The following GOPC variants were observed in gnomAD, a reference collection of about 807,000 sequenced individuals.
GOPC encodes Golgi-associated PDZ and coiled-coil motif-containing protein.
GOPC carries 32 observed loss-of-function variants against 51.2 expected under a neutral mutation model. The ratio of observed to expected loss-of-function variants is 0.63; its 90% CI spans 0.47 to 0.84. The LOEUF (loss-of-function observed/expected upper bound fraction) is 0.84. Among genes scored for constraint, GOPC ranks in the 40% least tolerant of loss-of-function variants. The pLI, the probability that GOPC is intolerant of heterozygous loss-of-function variation, is 0.00. For synonymous variants in GOPC, 190 were observed against 205.1 expected, an observed-to-expected ratio of 0.93 and a Z score of 0.63; for missense variants, 441 against 555.5, an observed-to-expected ratio of 0.79 and a Z score of 2.07.
Position 117,560,779 on chromosome 6 carries a change from T to C in GOPC, c.*2475A>G, listed in dbSNP as rs1779570035. ...CACACATACAACCCTCACATTTTAT[T>C]AAAACGTTTTCTCAACCATTCTGTT... On this transcript the variant is annotated 3_prime_UTR_variant, in exon 9 of 9. Transcript: ENST00000368498. 1 of 210,408 alleles carries C rather than the reference T, an allele frequency of 4.8e-6. No individual in the cohort carries two copies. The highest frequency in any genetic ancestry group is 2.3e-5 in the African/African-American group (1 of 44,092). 13.0% of individuals were successfully genotyped at this position (210,408 alleles called of 1,614,324 possible).
chr6:117,566,711 A>G (rs1779704248), intron 8 of GOPC, 143 bp downstream of exon 8: 1 of 548,686 alleles, frequency 1.8e-6, no homozygotes, highest in Non-Finnish European at 3.1e-6. Flanking sequence ...CATAGTATAC[A>G]ATAAAACAAT....
chr6:117,594,519 T>G (rs1047556873), intron 1 of GOPC, among the ~76,000 whole-genome samples: 6 of 152,218 alleles, frequency 3.9e-5, no homozygotes, highest in Admixed American at 3.3e-4. Flanking sequence ...ATAAAAGCCA[T>G]GACTACATCC....
chr6:117,587,576 A>C (rs766768795), intron 1 of GOPC, among the ~76,000 whole-genome samples: 82 of 151,970 alleles, frequency 5.4e-4, no homozygotes, highest in South Asian at 8.3e-4. Flanking sequence ...AACTAAGAGA[A>C]TTAGCAGAGT....
Position 117,602,268 on chromosome 6 carries a change from G to C in GOPC, c.21C>G (p.Cys7Trp), listed in dbSNP as rs1452299191. The C allele has an allele frequency of 6.3e-7, 1 of 1,592,366 alleles. No individual in the cohort carries two copies. The highest frequency in any genetic ancestry group is 2.3e-5 in the East Asian group (1 of 44,416). Residue 7 changes from cysteine to tryptophan, a missense_variant, in exon 1 of 9, where the codon TGC (cysteine) becomes TGG (tryptophan). This residue lies in a region of GOPC where 204 missense variants were observed against 219.8 expected (regional missense o/e 0.93). Transcript: ENST00000368498. The part of the protein sequence containing the change: MSAGGP[C>W]PAAAGGGPGG... ...CTGGGCCCCCTCCGGCTGCTGCTGGGCATGGACCGCCCGCCGACATGGCGC... is the reference window on the plus strand; with the variant it reads ...CTGGGCCCCCTCCGGCTGCTGCTGGCCATGGACCGCCCGCCGACATGGCGC...
At chr6:117,582,518 C>T (rs1022642442) in intron 1 of GOPC, among the ~76,000 whole-genome samples, 15 of 151,556 alleles carry the variant, frequency 9.9e-5, no homozygotes, top group Middle Eastern at 3.4e-3. Flanking sequence ...CCCTGCCCCC[C>T]ATCCTGTGCC....
At chr6:117,577,620 C>T in intron 2 of GOPC, 149 bp from the exon 3 acceptor site, 1 of 619,156 alleles carries the variant, frequency 1.6e-6, no homozygotes. Flanking sequence ...AATCTATAAA[C>T]AATAGTAACT....
chr6:117,569,620 G>A lies in GOPC; in HGVS notation c.1029C>T (p.Asn343=), dbSNP rs775012838. Residue 343 remains asparagine, a synonymous_variant, in exon 7 of 9, where the codon AAC becomes AAT. Transcript: ENST00000368498. ...GDAILAVNGV[N]LRDTKHKEAV... ...CTTCTTTATGCTTTGTGTCCCTTAGGTTAACTCCGTTGACTGCCAAAATAG... is the reference window on the plus strand; with the variant it reads ...CTTCTTTATGCTTTGTGTCCCTTAGATTAACTCCGTTGACTGCCAAAATAG... The A allele has an allele frequency of 1.2e-6, 2 of 1,612,860 alleles. No homozygotes were observed. Among genetic ancestry groups the A allele is most frequent in the South Asian group, 1.1e-5 (1 of 90,786 alleles).
rs374408850 is a variant in GOPC at position 117,602,498 on chromosome 6, A to C, written c.-210T>G. On this transcript the variant is annotated 5_prime_UTR_variant, in exon 1 of 9. Transcript: ENST00000368498. ...CGGCAACGGCGGCGACACACGGAAGACTCAGTCAGTCCCACCTCCCAGCCT... is the reference window on the plus strand; with the variant it reads ...CGGCAACGGCGGCGACACACGGAAGCCTCAGTCAGTCCCACCTCCCAGCCT... 2 of 588,662 alleles carry C rather than the reference A, an allele frequency of 3.4e-6. No homozygotes were observed. The highest frequency in any genetic ancestry group is 2.9e-5 in the East Asian group (1 of 34,954). The allele number at this position is 588,662 out of a possible 1,614,324, so 36.5% of individuals were successfully genotyped here.
rs549918471 is a variant in GOPC, at chr6:117,562,958, T to C, written c.*296A>G. 1.2e-5 allele frequency: 4 copies of C among 320,478 alleles called. No individual in the cohort carries two copies. The highest frequency in any genetic ancestry group is 6.0e-5 in the South Asian group (1 of 16,724). 19.9% of individuals were successfully genotyped at this position (320,478 alleles called of 1,614,324 possible). A position where few individuals can be genotyped will look rare whatever the true frequency, so the allele number is the denominator to read the frequency against. ...AGGGAAAAGGAACCAAGTAAAACAG[T>C]AGGGTTTCATTTGGTACTTAAGAGC... On this transcript the variant is annotated 3_prime_UTR_variant, in exon 9 of 9. Coordinates refer to ENST00000368498, the MANE Select transcript of GOPC (RefSeq NM_020399.4).
chr6:117,600,146 C>T (rs187196543), intron 1 of GOPC, among the ~76,000 whole-genome samples: 3 of 152,226 alleles, frequency 2.0e-5, no homozygotes, highest in Admixed American at 1.3e-4. Flanking sequence ...CTCGAGAAGT[C>T]GAGAGCCTTC....
chr6:117,563,288 T>A lies in GOPC; in HGVS notation c.1355A>T (p.Asp452Val), dbSNP rs2114597809. The change falls in exon 9 of 9, where the codon GAT becomes GTT. Residue 452 changes from aspartate (D) to valine (V), a missense_variant. This residue lies in a region of GOPC where 71 missense variants were observed against 68.8 expected (regional missense o/e 1.03). Transcript: ENST00000368498. ...PLDDGASKLD[D>V]LHTLYHKKSY is the part of the protein sequence containing the mutation. ...TTTTTTATGATACAGAGTGTGCAGA[T>A]CATCTAATTTTGAAGCACCGTCATC... 6.2e-7 allele frequency: 1 copy of A among 1,613,190 alleles called. No homozygotes were observed. The highest frequency in any genetic ancestry group is 2.2e-5 in the East Asian group (1 of 44,872).
chr6:117,560,933 G>A lies in GOPC; in HGVS notation c.*2321C>T, dbSNP rs986709750. ...ACATATGAATTTCTTTCCTATAAATGTGAAAATATTAAAATTGGTTCTCAG... is the reference window on the plus strand; with the variant it reads ...ACATATGAATTTCTTTCCTATAAATATGAAAATATTAAAATTGGTTCTCAG... On this transcript the variant is annotated 3_prime_UTR_variant, in exon 9 of 9. Coordinates refer to ENST00000368498, the MANE Select transcript of GOPC (RefSeq NM_020399.4). 5.2e-5 allele frequency: 11 copies of A among 211,362 alleles called. No homozygotes were observed. Among genetic ancestry groups the A allele is most frequent in the Admixed American group, 2.9e-4 (5 of 16,996 alleles). 13.1% of individuals were successfully genotyped at this position (211,362 alleles called of 1,614,324 possible).
rs1467131877 is a variant in GOPC, at chr6:117,563,076, C to A, written c.*178G>T. 6 of 578,764 alleles carry A rather than the reference C, an allele frequency of 1.0e-5. No homozygotes were observed. Among genetic ancestry groups the A allele is most frequent in the Non-Finnish European group, 1.8e-5 (6 of 327,926 alleles). The allele number at this position is 578,764 out of a possible 1,614,324, so 35.9% of individuals were successfully genotyped here. A position where few individuals can be genotyped will look rare whatever the true frequency, so the allele number is the denominator to read the frequency against. ...ACATGCAATAGCTAATTATGGTCTA[C>A]CACAGAAAACAGGGTGTTTTATGCA... On this transcript the variant is annotated 3_prime_UTR_variant, in exon 9 of 9. Coordinates refer to ENST00000368498, the MANE Select transcript of GOPC (RefSeq NM_020399.4).
Position 117,590,832 on chromosome 6 carries a change from A to C in GOPC, c.285+11172T>G, listed in dbSNP as rs181705034. Among the ~76,000 whole-genome samples, 190 of 139,466 alleles carry C rather than the reference A, an allele frequency of 1.4e-3. 3 individuals are homozygous for C. In the East Asian group the frequency reaches 0.041, roughly 30 times the overall value. 91.5% of individuals were successfully genotyped at this position (139,466 alleles called of 152,430 possible). On this transcript the variant is annotated intron_variant, in intron 1 of 8. Transcript: ENST00000368498. ...GATTGGTATTTAACACATCAGTTCC[A>C]AATTTTGTTTTGTTTTGTTTTGTTT... is the stretch of plus-strand genomic sequence containing the variant.
Position 117,563,418 on chromosome 6 carries a change from T to C in GOPC, c.1259-34A>G, listed in dbSNP as rs1562135725. The stretch of plus-strand genomic sequence containing the variant: ...AAGGAGAAAAAAAAAGCAGACACTT[T>C]CTGGTTTAAAAAGTTGGTTTTGGTC... On this transcript the variant is annotated intron_variant, in intron 8 of 8. Transcript: ENST00000368498. 8.1e-6 allele frequency: 13 copies of C among 1,609,164 alleles called. No homozygotes were observed. In the South Asian group the frequency reaches 1.3e-4, roughly 16 times the overall value.
intron 1 of GOPC, among the ~76,000 whole-genome samples, chr6:117,594,794 C>T (rs1010630944): frequency 6.6e-6 from 1 of 152,118 alleles, no homozygotes; most frequent in South Asian, 2.1e-4. Flanking sequence ...AGAGCAATTG[C>T]TGAGGGAAAG....
At chr6:117,589,106 A>C (rs1780076571) in intron 1 of GOPC, among the ~76,000 whole-genome samples, 1 of 152,216 alleles carries the variant, frequency 6.6e-6, no homozygotes, top group African/African-American at 2.4e-5. Context: ...AAAGTGTACG[A>C]ATTTGTGTTG....
chr6:117,586,273 T>C (rs551501093), intron 1 of GOPC, among the ~76,000 whole-genome samples: 5 of 152,192 alleles, frequency 3.3e-5, no homozygotes, highest in African/African-American at 1.2e-4. Context: ...GATGGCAGGA[T>C]AACACTATAA....
chr6:117,585,818 C>G (rs1299799014), intron 1 of GOPC, among the ~76,000 whole-genome samples: 2 of 152,150 alleles, frequency 1.3e-5, no homozygotes, highest in Non-Finnish European at 2.9e-5. Flanking sequence ...TATGAATACA[C>G]AGACACACCT....
Sources: allele counts gnomAD v4.1 joint callset (sites outside exome capture counted in the v4.1 genomes callset), GRCh38; gene constraint gnomAD v4.1.1; regional missense constraint gnomAD v4.1.1; transcripts MANE v1.5; gene names NCBI Gene and HGNC (gene_info 2026-07-23, HGNC 2026-07-21).